Variants in PPFIA2 observed in about 807,000 individuals in gnomAD.
The protein encoded by PPFIA2 is PPFI scaffold protein A2, also known as liprin-alpha-2.
PPFIA2 carries 46 observed loss-of-function variants against 175.5 expected under a neutral mutation model. The ratio of observed to expected loss-of-function variants is 0.26; its 90% CI spans 0.21 to 0.34. PPFIA2 has a LOEUF of 0.34. Among genes scored for constraint, PPFIA2 ranks in the 10% least tolerant of loss-of-function variants. The pLI is 1.00. For missense variants in PPFIA2, 1,179 were observed against 1,506.1 expected (o/e 0.78, Z 3.60); for synonymous variants, 568 against 511.4 (o/e 1.11, Z -1.49).
At chr12:81,285,789 GT>G (rs1352452061) in intron 24 of PPFIA2, among the ~76,000 whole-genome samples, 1 of 152,096 alleles carries the variant, frequency 6.6e-6, no homozygotes. Context: ...TGGGTTATTG[GT>G]TTATGTATTT....
At chr12:81,457,539 G>A (rs749076300) in intron 5 of PPFIA2, among the ~76,000 whole-genome samples, 3 of 152,104 alleles carry the variant, frequency 2.0e-5, no homozygotes, top group Non-Finnish European at 4.4e-5. Flanking sequence ...TGAACATTTT[G>A]TAAAGCAACA....
At chr12:81,520,851 G>A (rs1448900928) in intron 4 of PPFIA2, among the ~76,000 whole-genome samples, 2 of 152,180 alleles carry the variant, frequency 1.3e-5, no homozygotes, top group Non-Finnish European at 2.9e-5. Context: ...AGGAGAGAGA[G>A]AGTAAGTAGG....
At chr12:81,362,149 GTTTTC>G (rs1213320339) in intron 15 of PPFIA2, among the ~76,000 whole-genome samples, 1 of 145,682 alleles carries the variant, frequency 6.9e-6, no homozygotes, top group Non-Finnish European at 1.5e-5. Context: ...TGAAGTTTTT[GTTTTC>G]TTTTCTTTTA....
At chr12:81,479,160 A>C (rs944263835) in intron 4 of PPFIA2, among the ~76,000 whole-genome samples, 1 of 152,092 alleles carries the variant, frequency 6.6e-6, no homozygotes, top group Non-Finnish European at 1.5e-5. Context: ...TGATCCCTTT[A>C]CCAGTATGTA....
At chr12:81,398,247 G>A (rs188920923) in intron 8 of PPFIA2, among the ~76,000 whole-genome samples, 1 of 151,888 alleles carries the variant, frequency 6.6e-6, no homozygotes, top group African/African-American at 2.4e-5. Flanking sequence ...AAAATTTGCT[G>A]GGGAAATATA....
At chr12:81,517,936 T>C (rs1177127677) in intron 4 of PPFIA2, among the ~76,000 whole-genome samples, 1 of 119,198 alleles carries the variant, frequency 8.4e-6, no homozygotes, top group Non-Finnish European at 1.7e-5. Context: ...ATGCCCCAGA[T>C]TGGCCTGTCG....
chr12:81,696,771 T>C (rs1274527819), intron 3 of PPFIA2, among the ~76,000 whole-genome samples: 1 of 152,062 alleles, frequency 6.6e-6, no homozygotes, highest in African/African-American at 2.4e-5. Flanking sequence ...GAATTAAAGA[T>C]TATTTGACAC....
chr12:81,592,565 A>T (rs1191211231), intron 4 of PPFIA2, among the ~76,000 whole-genome samples: 6 of 152,160 alleles, frequency 3.9e-5, no homozygotes, highest in Admixed American at 6.5e-5. Context: ...CATGATAGTG[A>T]ATGAGTCTCA....
intron 7 of PPFIA2, among the ~76,000 whole-genome samples, chr12:81,412,335 C>CAAAA (rs35342063): frequency 3.1e-5 from 3 of 96,198 alleles, no homozygotes; most frequent in Admixed American, 1.0e-4. Context: ...GTTAAGGAGG[C>CAAAA]AAAAAAAAAA....
At chr12:81,672,912 C>T (rs544948736) in intron 4 of PPFIA2, among the ~76,000 whole-genome samples, 1 of 152,040 alleles carries the variant, frequency 6.6e-6, no homozygotes, top group South Asian at 2.1e-4. Context: ...AATATCAGCC[C>T]TTAAAAAACA....
chr12:81,369,349 T>G (rs1224010899), intron 11 of PPFIA2, 155 bp from the exon 12 acceptor site: 1 of 1,482,818 alleles, frequency 6.7e-7, no homozygotes, highest in Non-Finnish European at 9.0e-7. Flanking sequence ...TGAACAGCAT[T>G]GCTTGAAATG....
intron 4 of PPFIA2, among the ~76,000 whole-genome samples, chr12:81,488,332 CCT>C (rs2059064054): frequency 6.9e-6 from 1 of 144,430 alleles, no homozygotes; most frequent in Non-Finnish European, 1.6e-5. Flanking sequence ...ATTCTTTTCA[CCT>C]GACATTTTGC....
intron 4 of PPFIA2, among the ~76,000 whole-genome samples, chr12:81,578,853 C>G (rs2073993531): frequency 1.3e-5 from 2 of 151,766 alleles, no homozygotes. Flanking sequence ...TGCTAGATAT[C>G]ATAAATGCCT....
intron 21 of PPFIA2, among the ~76,000 whole-genome samples, chr12:81,326,289 T>C (rs1271740899): frequency 1.3e-5 from 2 of 152,164 alleles, no homozygotes; most frequent in Non-Finnish European, 2.9e-5. Context: ...GGATAAATGA[T>C]AGCCAATTGG....
intron 28 of PPFIA2, among the ~76,000 whole-genome samples, chr12:81,277,069 G>C (rs2040711646): frequency 6.6e-6 from 1 of 151,910 alleles, no homozygotes; most frequent in African/African-American, 2.4e-5. Context: ...TAATTAATAG[G>C]TTCACATAAA....
rs2049871901 is a variant in PPFIA2, at chr12:81,440,026, A to T, written c.591T>A (p.Val197=). The T allele has an allele frequency of 2.5e-6, 4 of 1,603,372 alleles. No individual in the cohort carries two copies. The highest frequency in any genetic ancestry group is 3.4e-6 in the Non-Finnish European group (4 of 1,176,148). ...LDEKVRERLR[V]SLERVSALEE... ...CCAGTGCAGAGACTCTTTCTAAAGA[A>T]ACCCTCAGTCGCTCCCTTACCTAGA... The change falls in exon 7 of 33, where the codon GTT becomes GTA. Residue 197 remains valine, a synonymous_variant. Transcript: ENST00000549396.
intron 4 of PPFIA2, among the ~76,000 whole-genome samples, chr12:81,596,193 T>C (rs1292117655): frequency 6.6e-6 from 1 of 151,928 alleles, no homozygotes. Context: ...TTCAGTATAA[T>C]TGTAATAATC....
chr12:81,658,820 G>C (rs1030746446), intron 4 of PPFIA2, among the ~76,000 whole-genome samples: 1 of 151,914 alleles, frequency 6.6e-6, no homozygotes, highest in Non-Finnish European at 1.5e-5. Flanking sequence ...GAGAAAAAAA[G>C]AACAAAATAC....
chr12:81,597,744 A>AT (rs5799543), intron 4 of PPFIA2, among the ~76,000 whole-genome samples: 28 of 150,828 alleles, frequency 1.9e-4, no homozygotes, highest in Non-Finnish European at 2.5e-4. Flanking sequence ...TGTGTTCACT[A>AT]TTTTTTTTTT....
Sources: gnomAD v4.1 joint callset for allele counts (sites outside exome capture counted in the v4.1 genomes callset) on GRCh38, gnomAD v4.1.1 for gene constraint, MANE v1.5 for transcripts, NCBI Gene and HGNC (gene_info 2026-07-23, HGNC 2026-07-21) for gene names.